PRSS54: variants seen among roughly 807,000 people sequenced by gnomAD.
PRSS54 encodes serine protease 54, also known as inactive serine protease 54.
In PRSS54, 16 loss-of-function variants were observed where a neutral mutation model predicts 19.9. The observed-to-expected ratio is 0.80, with a 90% confidence interval of 0.54 to 1.22. The LOEUF (loss-of-function observed/expected upper bound fraction) is 1.22. Among genes scored for constraint, PRSS54 ranks in the 50% most tolerant of loss-of-function variants. The pLI is 0.00. For missense variants in PRSS54, 444 were observed against 494.8 expected, an observed-to-expected ratio of 0.90 and a Z score of 0.97; for synonymous variants, 177 against 195.8, an observed-to-expected ratio of 0.90 and a Z score of 0.80.
At chr16:58,285,744 A>AAAAAAAAAAAAAAAAAAAAAGAAG (rs146167626) in intron 5 of PRSS54, among the ~76,000 whole-genome samples, 193 bp downstream of exon 5, 1 of 77,350 alleles carries the variant, frequency 1.3e-5, no homozygotes, top group Non-Finnish European at 2.3e-5. Flanking sequence ...AAAAAAAAAA[A>AAAAAAAAAAAAAAAAAAAAAGAAG]AAGAAGAAGA....
chr16:58,290,007 CTGTG>C (rs1362968521), intron 4 of PRSS54, among the ~76,000 whole-genome samples: 1 of 151,574 alleles, frequency 6.6e-6, no homozygotes, highest in South Asian at 2.1e-4. Context: ...CCCCAATACT[CTGTG>C]TGTGTATATA....
Position 58,280,082 on chromosome 16 carries a change from G to GAGCC in PRSS54, c.*138_*141dup, listed in dbSNP as rs1239134995. 15 of 806,398 alleles carry GAGCC rather than the reference G, an allele frequency of 1.9e-5. No homozygotes were observed. The East Asian group carries it at 4.0e-4, about 21-fold the overall frequency. 50.0% of individuals were successfully genotyped at this position (806,398 alleles called of 1,614,324 possible). A position where few individuals can be genotyped will look rare whatever the true frequency, so the allele number is the denominator to read the frequency against. ...ACCTGGGAGAGGGATAGAGGAGGGAGAGCCAGCCCAGTGTATGCCATGGGC... is the reference window on the plus strand; with the variant it reads ...ACCTGGGAGAGGGATAGAGGAGGGAGAGCCAGCCAGCCCAGTGTATGCCATGGGC... On this transcript the variant is annotated 3_prime_UTR_variant, in exon 7 of 7. Coordinates refer to ENST00000567164, the MANE Select transcript of PRSS54 (RefSeq NM_001305173.2).
Position 58,294,981 on chromosome 16 carries a change from G to A in PRSS54, c.-326C>T, listed in dbSNP as rs1965113806. The A allele has an allele frequency of 6.5e-6, 1 of 152,732 alleles. No individual in the cohort carries two copies. The allele number at this position is 152,732 out of a possible 1,614,324, so 9.5% of individuals were successfully genotyped here. On this transcript the variant is annotated 5_prime_UTR_variant, in exon 1 of 7. Transcript: ENST00000567164. ...TCCTGCTCAAGGAGAAATGAACTCA[G>A]GCTGGCCTGACACAGTAGAGTTCAA... is the stretch of plus-strand genomic sequence containing the variant.
rs1391669230 is a variant in PRSS54, at chr16:58,294,153, G to A, written c.-175C>T. 3.6e-6 allele frequency: 1 copy of A among 281,354 alleles called. No individual in the cohort carries two copies. 17.4% of individuals were successfully genotyped at this position (281,354 alleles called of 1,614,324 possible). A position where few individuals can be genotyped will look rare whatever the true frequency, so the allele number is the denominator to read the frequency against. Reference sequence around the variant, plus strand: ...CCCAGAGAGTTGGGTCTCTGAAAAGGGCTGCTTTTTGACTCGTGGAATTCA... The same window carrying A: ...CCCAGAGAGTTGGGTCTCTGAAAAGAGCTGCTTTTTGACTCGTGGAATTCA... On this transcript the variant is annotated 5_prime_UTR_variant, in exon 2 of 7. Coordinates refer to ENST00000567164, the MANE Select transcript of PRSS54 (RefSeq NM_001305173.2).
At position 58,280,311 on chromosome 16, in the gene PRSS54, C is replaced by T. The variant is rs1596889500; in HGVS notation, c.1101G>A (p.Arg367=). 2 of 1,614,130 alleles carry T rather than the reference C, an allele frequency of 1.2e-6. No homozygotes were observed. Among genetic ancestry groups the T allele is most frequent in the African/African-American group, 2.7e-5 (2 of 75,034 alleles). Residue 367 remains arginine, a synonymous_variant, in exon 7 of 7, where the codon AGG becomes AGA. Transcript: ENST00000567164. ...DYYGGEVGEG[R]IFAGQNRLYQ... ...ACAACCTGTTCTGACCTGCAAAAAT[C>T]CTACCTTCCCCCACCTCCCCACCGT...
At position 58,292,070 on chromosome 16, in the gene PRSS54, A is replaced by G. The variant is rs1205352982; in HGVS notation, c.86-934T>C. Among the ~76,000 whole-genome samples the G allele has an allele frequency of 2.0e-5, 3 of 152,162 alleles. No homozygotes were observed. In the East Asian group the frequency reaches 5.8e-4, roughly 29 times the overall value. On this transcript the variant is annotated intron_variant, in intron 3 of 6. Coordinates refer to ENST00000567164, the MANE Select transcript of PRSS54 (RefSeq NM_001305173.2). Reference sequence around the variant, plus strand: ...CAGCCTCCTGAGTAGCTGGGATTATAGACGCATGGCACAATGCCCAGCTAA... The same window carrying G: ...CAGCCTCCTGAGTAGCTGGGATTATGGACGCATGGCACAATGCCCAGCTAA...
At chr16:58,286,875 T>A (rs1272458140) in intron 4 of PRSS54, among the ~76,000 whole-genome samples, 1 of 152,108 alleles carries the variant, frequency 6.6e-6, no homozygotes, top group African/African-American at 2.4e-5. Context: ...TCGTTGAGCA[T>A]GTTCTCAGCA....
chr16:58,289,261 C>T (rs551580747), intron 4 of PRSS54, among the ~76,000 whole-genome samples: 7 of 152,200 alleles, frequency 4.6e-5, no homozygotes, highest in Non-Finnish European at 7.3e-5. Flanking sequence ...GGATCTTAGA[C>T]TTTCAGCCTC....
chr16:58,286,838 C>T (rs1964929703), intron 4 of PRSS54, among the ~76,000 whole-genome samples: 1 of 152,116 alleles, frequency 6.6e-6, no homozygotes, highest in Non-Finnish European at 1.5e-5. Context: ...ATAGATGACA[C>T]TGACTGCCAC....
intron 6 of PRSS54, chr16:58,281,369 G>A (rs1270408486): frequency 6.4e-6 from 1 of 155,724 alleles, no homozygotes; most frequent in East Asian, 1.9e-4. Flanking sequence ...CACAGTTAAT[G>A]CCTGTAACAC....
At position 58,291,038 on chromosome 16, in the gene PRSS54, AGT is replaced by A. The variant is rs1363067201; in HGVS notation, c.182_183del (p.Asp61ValfsTer38). On this transcript the variant is annotated frameshift_variant, in exon 4 of 7. Transcript: ENST00000567164. LOFTEE classifies it high-confidence loss of function. ...CCGAAAGCCAGGTGTGTGTACTGGGAGTCCTGCAGCGACACCACCCACGGGAA... is the reference window on the plus strand; with the variant it reads ...CCGAAAGCCAGGTGTGTGTACTGGGACCTGCAGCGACACCACCCACGGGAA... ...MEFPWVVSLQDSQYTHLAFGC... is the reference protein window; with the variant it reads ...MEFPWVVSLQXSQYTHLAFGC... The A allele has an allele frequency of 6.2e-7, 1 of 1,614,074 alleles. No individual in the cohort carries two copies. The highest frequency in any genetic ancestry group is 8.5e-7 in the Non-Finnish European group (1 of 1,180,044).
chr16:58,284,997 T>G (rs955136292), intron 5 of PRSS54, among the ~76,000 whole-genome samples: 3 of 152,116 alleles, frequency 2.0e-5, no homozygotes, highest in Non-Finnish European at 4.4e-5. Flanking sequence ...GTATTTTTAA[T>G]AGAGATGGAG....
intron 4 of PRSS54, among the ~76,000 whole-genome samples, chr16:58,286,742 C>T (rs905551143): frequency 3.8e-4 from 58 of 152,060 alleles, no homozygotes; most frequent in African/African-American, 1.3e-3. Flanking sequence ...ATACAAACAC[C>T]GTAAAACCAA....
At position 58,284,726 on chromosome 16, in the gene PRSS54, AC is replaced by A; in HGVS notation, c.523-6del. ...CATCGTCATGTGATTTCCTGTCTGG[AC>A]CATGCAACAGAGAGCCCAGGGATTA... is the stretch of plus-strand genomic sequence containing the variant. On this transcript the variant is annotated splice_region_variant and splice_polypyrimidine_tract_variant and intron_variant, in intron 5 of 6. Transcript: ENST00000567164. The A allele has an allele frequency of 6.2e-7, 1 of 1,613,772 alleles. No homozygotes were observed. Among genetic ancestry groups the A allele is most frequent in the Non-Finnish European group, 8.5e-7 (1 of 1,179,798 alleles).
chr16:58,292,695 C>A (rs1349272966), intron 3 of PRSS54, among the ~76,000 whole-genome samples: 1 of 152,210 alleles, frequency 6.6e-6, no homozygotes, highest in Non-Finnish European at 1.5e-5. Context: ...AGATCCTTAT[C>A]TTTGGTCTGA....
rs201827747 is a variant in PRSS54, at chr16:58,284,586, T to G, written c.654+4A>C. 72 of 1,613,880 alleles carry G rather than the reference T, an allele frequency of 4.5e-5. No homozygotes were observed. The African/African-American group carries it at 8.7e-4, about 19-fold the overall frequency. On this transcript the variant is annotated splice_donor_region_variant and intron_variant, in intron 6 of 6. Transcript: ENST00000567164. ...ACTTAGCTTCTACTCCATGATGTTC[T>G]TACCAAGCAGGCAGTCTTGGTTTCC...
intron 4 of PRSS54, 52 bp downstream of exon 4, chr16:58,290,907 C>T (rs1390865019): frequency 4.4e-6 from 7 of 1,594,920 alleles, no homozygotes; most frequent in Non-Finnish European, 2.6e-6. Flanking sequence ...ACAGGGTCGC[C>T]CCCACCCTCA....
intron 1 of PRSS54, among the ~76,000 whole-genome samples, chr16:58,294,662 G>A (rs1567517822): frequency 6.6e-6 from 1 of 152,174 alleles, no homozygotes; most frequent in Non-Finnish European, 1.5e-5. Flanking sequence ...TTACCAGCGT[G>A]AGCCACCGTG....
In PRSS54 at chr16:58,286,169, A is replaced by T. The variant is rs759243946; in HGVS notation, c.290T>A (p.Ile97Lys). Residue 97 changes from isoleucine to lysine, a missense_variant, in exon 5 of 7, where the codon ATA (isoleucine) becomes AAA (lysine). By Grantham distance (102) the Ile-to-Lys change is moderately radical. Transcript: ENST00000567164. ...AATCTTGCTAGGATCCATGTTACTT[A>T]TACCCACTATAACGACAATGTCCTT... is the stretch of plus-strand genomic sequence containing the variant. ...NRKDIVVIVG[I>K]SNMDPSKIAH... 1.2e-6 allele frequency: 2 copies of T among 1,614,086 alleles called. No individual in the cohort carries two copies. The highest frequency in any genetic ancestry group is 1.7e-6 in the Non-Finnish European group (2 of 1,180,018).
Sources: gnomAD v4.1 joint callset for allele counts (sites outside exome capture counted in the v4.1 genomes callset) on GRCh38, gnomAD v4.1.1 for gene constraint, MANE v1.5 for transcripts, NCBI Gene and HGNC (gene_info 2026-07-23, HGNC 2026-07-21) for gene names.